The following BBS9 variants were observed in gnomAD, a reference collection of about 807,000 sequenced individuals.
BBS9 encodes protein PTHB1.
In BBS9, 89 loss-of-function variants were observed where a neutral mutation model predicts 117.7. That is an observed-to-expected ratio of 0.76 (90% CI 0.64 to 0.90). The LOEUF (loss-of-function observed/expected upper bound fraction) is 0.90. Ranked by LOEUF, BBS9 falls within the 40% of genes least tolerant of loss-of-function variation. BBS9 has a pLI of 0.00. For synonymous variants in BBS9, 379 were observed against 370.9 expected (o/e 1.02, Z -0.25); for missense variants, 982 against 1,042.2 (o/e 0.94, Z 0.80).
intron 19 of BBS9, among the ~76,000 whole-genome samples, chr7:33,497,677 A>G (rs931296456): frequency 6.6e-6 from 1 of 152,198 alleles, no homozygotes; most frequent in African/African-American, 2.4e-5. Flanking sequence ...GCTTGTTTTA[A>G]TAGTATTGCT....
At chr7:33,173,384 T>C (rs1188625576) in intron 4 of BBS9, among the ~76,000 whole-genome samples, 1 of 151,760 alleles carries the variant, frequency 6.6e-6, no homozygotes, top group Non-Finnish European at 1.5e-5. Flanking sequence ...ATCGAGACCA[T>C]CCTGGCTAAC....
At chr7:33,509,538 G>A (rs1462506136) in intron 20 of BBS9, among the ~76,000 whole-genome samples, 1 of 152,166 alleles carries the variant, frequency 6.6e-6, no homozygotes, top group Non-Finnish European at 1.5e-5. Flanking sequence ...GGTTGAGGGT[G>A]GATGGCAGAG....
intron 21 of BBS9, among the ~76,000 whole-genome samples, chr7:33,558,900 C>G (rs1855682662): frequency 6.6e-6 from 1 of 152,112 alleles, no homozygotes; most frequent in Non-Finnish European, 1.5e-5. Context: ...AAAAAGACTC[C>G]TCACTTGTGA....
At chr7:33,499,064 A>C (rs1275060892) in intron 19 of BBS9, among the ~76,000 whole-genome samples, 2 of 152,182 alleles carry the variant, frequency 1.3e-5, no homozygotes, top group East Asian at 3.8e-4. Context: ...TAATTTTCAT[A>C]ATCCTATGAA....
At position 33,429,677 on chromosome 7, in the gene BBS9, A is replaced by AT; in HGVS notation, c.2115+41540dup. Among the ~76,000 whole-genome samples the AT allele has an allele frequency of 1.3e-5, 2 of 148,164 alleles. 1 individual carries two copies. The highest frequency in any genetic ancestry group is 4.1e-4 in the South Asian group (2 of 4,820). On this transcript the variant is annotated intron_variant, in intron 19 of 22. Coordinates refer to ENST00000242067, the MANE Select transcript of BBS9 (RefSeq NM_198428.3). Reference sequence around the variant, plus strand: ...TTGAAAAAAATAAATTTATTTATTTATTTTTTTCTGTAGAGTTCATAGCAC... The same window carrying AT: ...TTGAAAAAAATAAATTTATTTATTTATTTTTTTTCTGTAGAGTTCATAGCAC...
At chr7:33,354,090 A>G (rs928606038) in intron 15 of BBS9, among the ~76,000 whole-genome samples, 3 of 152,168 alleles carry the variant, frequency 2.0e-5, no homozygotes, top group Admixed American at 1.3e-4. Flanking sequence ...CCAAACTATG[A>G]GGAAAAAACC....
At chr7:33,247,419 G>A (rs1795513236) in intron 5 of BBS9, among the ~76,000 whole-genome samples, 1 of 152,036 alleles carries the variant, frequency 6.6e-6, no homozygotes, top group Admixed American at 6.6e-5. Flanking sequence ...TGATGAACAT[G>A]TCATCTTCAT....
At chr7:33,264,607 G>A (rs937039294) in intron 7 of BBS9, among the ~76,000 whole-genome samples, 11 of 152,044 alleles carry the variant, frequency 7.2e-5, no homozygotes, top group African/African-American at 2.2e-4. Flanking sequence ...CACTAGAACT[G>A]TGGATATCCA....
intron 5 of BBS9, among the ~76,000 whole-genome samples, chr7:33,244,191 C>G (rs141524275): frequency 6.6e-6 from 1 of 152,204 alleles, no homozygotes; most frequent in African/African-American, 2.4e-5. Context: ...GATTGTGCCA[C>G]TGCACTCCAG....
intron 21 of BBS9, among the ~76,000 whole-genome samples, chr7:33,565,839 ACTGC>A (rs1563370356): frequency 0.01 from 372 of 36,714 alleles, 8 homozygotes; most frequent in African/African-American, 0.084. Context: ...CGCTATATAT[ACTGC>A]TTATATATAT....
chr7:33,325,248 A>T (rs754682871), intron 9 of BBS9, among the ~76,000 whole-genome samples: 8 of 152,146 alleles, frequency 5.3e-5, no homozygotes, highest in Non-Finnish European at 1.2e-4. Context: ...CTACTTGATT[A>T]GTTCTGTTGG....
At chr7:33,549,750 T>C (rs1427035703) in intron 21 of BBS9, among the ~76,000 whole-genome samples, 1 of 152,192 alleles carries the variant, frequency 6.6e-6, no homozygotes, top group Non-Finnish European at 1.5e-5. Flanking sequence ...ACCAGTGAAC[T>C]GCCTTTTCTA....
intron 19 of BBS9, among the ~76,000 whole-genome samples, chr7:33,492,214 C>CAAAAAAAAAAAAAAAAAAA (rs767399661): frequency 9.0e-6 from 1 of 110,622 alleles, no homozygotes; most frequent in Non-Finnish European, 1.8e-5. Flanking sequence ...AAAAAAAAAA[C>CAAAAAAAAAAAAAAAAAAA]AAAAAAAAAA....
At chr7:33,153,482 C>G (rs1793659180) in intron 3 of BBS9, among the ~76,000 whole-genome samples, 1 of 152,170 alleles carries the variant, frequency 6.6e-6, no homozygotes, top group Non-Finnish European at 1.5e-5. Flanking sequence ...GCTTGTATTT[C>G]TTCATCATTT....
At chr7:33,450,775 T>C (rs542801545) in intron 19 of BBS9, among the ~76,000 whole-genome samples, 9 of 152,352 alleles carry the variant, frequency 5.9e-5, no homozygotes, top group Non-Finnish European at 1.0e-4. Flanking sequence ...GGATATTAAT[T>C]CTTTGTCACA....
chr7:33,317,155 A>T (rs910947888), intron 9 of BBS9, among the ~76,000 whole-genome samples: 4 of 152,270 alleles, frequency 2.6e-5, no homozygotes, highest in African/African-American at 9.6e-5. Flanking sequence ...TTGAAAACCA[A>T]TTGAGCATAT....
chr7:33,267,335 G>A (rs1583981978), intron 7 of BBS9, among the ~76,000 whole-genome samples: 1 of 152,048 alleles, frequency 6.6e-6, no homozygotes, highest in East Asian at 1.9e-4. Flanking sequence ...GAAGCATGTA[G>A]TTGGTTGGGA....
intron 19 of BBS9, among the ~76,000 whole-genome samples, chr7:33,469,807 G>C (rs1291445245): frequency 1.3e-5 from 2 of 152,040 alleles, no homozygotes; most frequent in Non-Finnish European, 2.9e-5. Context: ...ATGTAAACCT[G>C]GTTTGTAACT....
At chr7:33,430,159 C>G (rs764413073) in intron 19 of BBS9, among the ~76,000 whole-genome samples, 3 of 152,114 alleles carry the variant, frequency 2.0e-5, no homozygotes, top group Non-Finnish European at 4.4e-5. Flanking sequence ...AATTAAAAAG[C>G]AGCAGTGAAA....
Sources: allele counts gnomAD v4.1 joint callset (sites outside exome capture counted in the v4.1 genomes callset), GRCh38; gene constraint gnomAD v4.1.1; transcripts MANE v1.5; gene names NCBI Gene and HGNC (gene_info 2026-07-23, HGNC 2026-07-21).